TENM3: variants seen among roughly 807,000 people sequenced by gnomAD.
TENM3 encodes the protein teneurin transmembrane protein 3.
TENM3 carries 63 observed loss-of-function variants against 255.1 expected under a neutral mutation model. The ratio of observed to expected loss-of-function variants is 0.25; its 90% CI spans 0.20 to 0.30. TENM3 has a LOEUF of 0.30. Ranked by LOEUF, TENM3 falls within the 10% of genes least tolerant of loss-of-function variation. The probability of loss-of-function intolerance (pLI) is 1.00; values close to 1 mark genes in which losing one functional copy is unlikely to be tolerated. For missense variants in TENM3, 2,929 were observed against 3,461.1 expected, an observed-to-expected ratio of 0.85 and a Z score of 3.86; for synonymous variants, 1,306 against 1,322.3, an observed-to-expected ratio of 0.99 and a Z score of 0.27.
intron 1 of TENM3, among the ~76,000 whole-genome samples, chr4:182,195,084 A>G (rs1219007563): frequency 1.3e-5 from 2 of 150,954 alleles, no homozygotes; most frequent in African/African-American, 2.4e-5. Context: ...TATTCAGAGG[A>G]CTTCTTTATA....
At chr4:181,834,881 G>A in the TENM3 span, 1 of 152,178 alleles carries the variant, frequency 6.6e-6, no homozygotes, top group Admixed American at 6.5e-5. Context: ...TTCCATCCTA[G>A]TAGGTTCAGA....
the TENM3 span, among the ~76,000 whole-genome samples, chr4:181,874,166 G>C: frequency 6.6e-6 from 1 of 151,894 alleles, no homozygotes; most frequent in African/African-American, 2.4e-5. Context: ...TGATCCACCC[G>C]CCTCAGCCTC....
chr4:182,158,977 A>T (rs981798689), intron 1 of TENM3, among the ~76,000 whole-genome samples: 3 of 152,202 alleles, frequency 2.0e-5, no homozygotes, highest in African/African-American at 7.2e-5. Context: ...CTTTGTGGTG[A>T]CCAAGTTGGG....
the TENM3 span, among the ~76,000 whole-genome samples, chr4:182,088,016 G>A: frequency 0.028 from 4,188 of 152,122 alleles, 199 homozygotes; most frequent in African/African-American, 0.095. Flanking sequence ...GAATTGAATC[G>A]CATTGTCAAA....
chr4:181,522,447 T>G, the TENM3 span, among the ~76,000 whole-genome samples: 1 of 152,168 alleles, frequency 6.6e-6, no homozygotes, highest in African/African-American at 2.4e-5. Flanking sequence ...GCCTCCAACC[T>G]TTTTTCTAAA....
chr4:182,205,434 A>G (rs1047582591), intron 1 of TENM3, among the ~76,000 whole-genome samples: 6 of 152,336 alleles, frequency 3.9e-5, no homozygotes, highest in African/African-American at 1.4e-4. Context: ...TGCCTCTGAC[A>G]CGCCCCTCTC....
chr4:182,652,841 C>T, intron 5 of TENM3, among the ~76,000 whole-genome samples: 1 of 152,124 alleles, frequency 6.6e-6, no homozygotes, highest in Non-Finnish European at 1.5e-5. Context: ...CTGGGTTTCC[C>T]TAAAAATATT....
chr4:182,103,370 G>C, the TENM3 span, among the ~76,000 whole-genome samples: 275 of 152,308 alleles, frequency 1.8e-3, no homozygotes, highest in African/African-American at 6.2e-3. Flanking sequence ...TCACCTGTAA[G>C]ATCTTAATAA....
chr4:182,798,215 A>G (rs1766638953), intron 27 of TENM3, among the ~76,000 whole-genome samples: 1 of 152,136 alleles, frequency 6.6e-6, no homozygotes, highest in East Asian at 1.9e-4. Flanking sequence ...CCTGCGTAGC[A>G]CAGGCTGGTC....
At chr4:182,111,730 A>G in the TENM3 span, among the ~76,000 whole-genome samples, 2 of 152,136 alleles carry the variant, frequency 1.3e-5, no homozygotes, top group Admixed American at 1.3e-4. Context: ...CCTTATCTTG[A>G]AGGAAGCTGT....
intron 3 of TENM3, among the ~76,000 whole-genome samples, chr4:182,416,759 C>T (rs1770390729): frequency 6.6e-6 from 1 of 152,112 alleles, no homozygotes; most frequent in Non-Finnish European, 1.5e-5. Flanking sequence ...TTATGCAAAA[C>T]ATGCTCTTTC....
At chr4:182,276,311 T>G (rs909594973) in intron 1 of TENM3, among the ~76,000 whole-genome samples, 15 of 152,208 alleles carry the variant, frequency 9.9e-5, no homozygotes, top group African/African-American at 3.6e-4. Flanking sequence ...AAGAATAGAA[T>G]TCAAGTCAAC....
chr4:181,868,937 G>A, the TENM3 span, among the ~76,000 whole-genome samples: 1 of 151,620 alleles, frequency 6.6e-6, no homozygotes, highest in African/African-American at 2.4e-5. Flanking sequence ...CTAAGAAATA[G>A]CAATTAAATC....
chr4:182,296,270 C>T (rs966373836), intron 1 of TENM3, among the ~76,000 whole-genome samples: 7 of 152,130 alleles, frequency 4.6e-5, no homozygotes, highest in African/African-American at 9.6e-5. Flanking sequence ...AGAAATTACC[C>T]ATATACTATT....
At position 182,324,388 on chromosome 4, in the gene TENM3, A is replaced by G. The variant is rs553593280; in HGVS notation, c.232+136A>G. 2.0e-4 allele frequency: 139 copies of G among 699,728 alleles called. No individual in the cohort carries two copies. The African/African-American group carries it at 2.1e-3, about 11-fold the overall frequency. 43.3% of individuals were successfully genotyped at this position (699,728 alleles called of 1,614,324 possible). A position where few individuals can be genotyped will look rare whatever the true frequency, so the allele number is the denominator to read the frequency against. On this transcript the variant is annotated intron_variant, in intron 2 of 27. Transcript: ENST00000511685. The stretch of plus-strand genomic sequence containing the variant: ...GCTGATTCTGATTTTGAGATATTAG[A>G]TCATCATGCAGTATTCCAGATGAGA...
At chr4:182,267,469 C>A (rs1759314791) in intron 1 of TENM3, among the ~76,000 whole-genome samples, 1 of 152,092 alleles carries the variant, frequency 6.6e-6, no homozygotes, top group African/African-American at 2.4e-5. Flanking sequence ...CTGATACAAG[C>A]CCCATAGGGA....
intron 3 of TENM3, among the ~76,000 whole-genome samples, chr4:182,584,836 T>C (rs1745847324): frequency 6.6e-6 from 1 of 152,026 alleles, no homozygotes; most frequent in Non-Finnish European, 1.5e-5. Flanking sequence ...GAGACAGGGT[T>C]TCTTCATGCT....
intron 5 of TENM3, among the ~76,000 whole-genome samples, chr4:182,635,207 C>T (rs1279793329): frequency 6.6e-6 from 1 of 152,170 alleles, no homozygotes; most frequent in African/African-American, 2.4e-5. Context: ...TTATCTTGCC[C>T]TTTTGGCCAG....
chr4:182,328,204 A>G (rs1763531270), intron 2 of TENM3, among the ~76,000 whole-genome samples: 14 of 151,394 alleles, frequency 9.2e-5, no homozygotes, highest in Admixed American at 9.2e-4. Context: ...GAGAGGAAGG[A>G]CTCTGTTTTT....
Sources: gnomAD v4.1 joint callset for allele counts (sites outside exome capture counted in the v4.1 genomes callset) on GRCh38, gnomAD v4.1.1 for gene constraint, MANE v1.5 for transcripts, NCBI Gene and HGNC (gene_info 2026-07-23, HGNC 2026-07-21) for gene names.